Variants in COG5 observed in about 807,000 individuals in gnomAD.
COG5 encodes component of oligomeric golgi complex 5.
COG5 carries 86 observed loss-of-function variants against 110.4 expected under a neutral mutation model. The observed-to-expected ratio is 0.78, with a 90% confidence interval of 0.65 to 0.93. The LOEUF (loss-of-function observed/expected upper bound fraction) is 0.93. COG5 is among the 40% of genes least tolerant of loss of function. The pLI, the probability that COG5 is intolerant of heterozygous loss-of-function variation, is 0.00. For synonymous variants in COG5, 360 were observed against 334.6 expected (o/e 1.08, Z -0.83); for missense variants, 1,077 against 987.0 (o/e 1.09, Z -1.22).
intron 16 of COG5, among the ~76,000 whole-genome samples, chr7:107,255,960 T>C (rs576780478): frequency 1.3e-5 from 2 of 152,238 alleles, no homozygotes; most frequent in African/African-American, 4.8e-5. Flanking sequence ...TTGAGCAAGA[T>C]ATTATTTCTA....
chr7:107,322,083 C>T (rs567876523), intron 11 of COG5, among the ~76,000 whole-genome samples: 1 of 152,266 alleles, frequency 6.6e-6, no homozygotes, highest in East Asian at 1.9e-4. Flanking sequence ...AAAAGTTATA[C>T]AGATGGCATC....
At chr7:107,352,992 G>C (rs1473051186) in intron 10 of COG5, among the ~76,000 whole-genome samples, 2 of 152,082 alleles carry the variant, frequency 1.3e-5, no homozygotes, top group African/African-American at 4.8e-5. Flanking sequence ...GTATTATATA[G>C]TACTGGTGAT....
intron 5 of COG5, among the ~76,000 whole-genome samples, chr7:107,533,045 G>A (rs1284132866): frequency 3.4e-5 from 5 of 147,832 alleles, no homozygotes; most frequent in Non-Finnish European, 7.4e-5. Context: ...GGTCTGGAGT[G>A]GACCCGCAGC....
chr7:107,272,320 G>A (rs1804344754), intron 14 of COG5, among the ~76,000 whole-genome samples: 1 of 152,170 alleles, frequency 6.6e-6, no homozygotes, highest in Admixed American at 6.5e-5. Context: ...ATCTACCTGT[G>A]ATCTGGAAGC....
intron 1 of COG5, among the ~76,000 whole-genome samples, chr7:107,561,983 A>T (rs889402435): frequency 2.6e-5 from 4 of 152,148 alleles, no homozygotes; most frequent in African/African-American, 9.7e-5. Flanking sequence ...CTCAAAAAAA[A>T]AAAAGAAAGA....
chr7:107,559,875 T>C (rs1393652684), intron 1 of COG5, among the ~76,000 whole-genome samples: 1 of 152,222 alleles, frequency 6.6e-6, no homozygotes, highest in Non-Finnish European at 1.5e-5. Flanking sequence ...TCATAGCACA[T>C]GTATATTGGA....
intron 19 of COG5, among the ~76,000 whole-genome samples, chr7:107,226,742 T>A (rs1423700533): frequency 1.3e-5 from 2 of 152,238 alleles, no homozygotes; most frequent in African/African-American, 4.8e-5. Flanking sequence ...ATACTTCTGT[T>A]TTATTTCTTG....
chr7:107,502,922 T>C (rs1798725194), intron 6 of COG5, among the ~76,000 whole-genome samples: 1 of 139,430 alleles, frequency 7.2e-6, no homozygotes, highest in Non-Finnish European at 1.6e-5. Flanking sequence ...CTTTGTCACA[T>C]GCACAGTTTA....
intron 6 of COG5, among the ~76,000 whole-genome samples, chr7:107,487,880 T>C (rs1797742372): frequency 6.6e-6 from 1 of 152,136 alleles, no homozygotes; most frequent in Non-Finnish European, 1.5e-5. Flanking sequence ...CAAAATAGTA[T>C]GTATAATAAA....
intron 5 of COG5, among the ~76,000 whole-genome samples, chr7:107,530,860 T>C (rs1158129124): frequency 6.6e-6 from 1 of 151,974 alleles, no homozygotes; most frequent in Non-Finnish European, 1.5e-5. Flanking sequence ...TACTATTAAA[T>C]ATAACACAAG....
chr7:107,462,950 A>C (rs920850940), intron 6 of COG5, among the ~76,000 whole-genome samples: 5 of 152,230 alleles, frequency 3.3e-5, no homozygotes, highest in African/African-American at 4.8e-5. Flanking sequence ...ACAGGCCAGG[A>C]GCCAGTAAAA....
chr7:107,355,401 C>G (rs988021197), intron 10 of COG5, among the ~76,000 whole-genome samples: 5 of 152,200 alleles, frequency 3.3e-5, no homozygotes, highest in Non-Finnish European at 5.9e-5. Flanking sequence ...AGTCAGCAAG[C>G]GCAACTCTTA....
chr7:107,443,889 T>C (rs948583975), intron 6 of COG5, among the ~76,000 whole-genome samples: 8 of 152,184 alleles, frequency 5.3e-5, no homozygotes, highest in Admixed American at 1.3e-4. Flanking sequence ...ATAAATGAGA[T>C]CTCTAGTAAG....
chr7:107,338,579 T>G (rs544634807), intron 10 of COG5, among the ~76,000 whole-genome samples: 22 of 152,216 alleles, frequency 1.4e-4, no homozygotes, highest in African/African-American at 5.3e-4. Context: ...GACACTGGAT[T>G]TGGCAATTAC....
intron 6 of COG5, among the ~76,000 whole-genome samples, chr7:107,499,935 T>C (rs896924722): frequency 4.6e-5 from 7 of 152,266 alleles, no homozygotes; most frequent in Middle Eastern, 3.4e-3. Flanking sequence ...ATGAGTCGCA[T>C]GTCCACGTTT....
intron 12 of COG5, among the ~76,000 whole-genome samples, chr7:107,293,317 C>T (rs760842781): frequency 6.6e-6 from 1 of 152,082 alleles, no homozygotes; most frequent in Non-Finnish European, 1.5e-5. Flanking sequence ...CTGCTGAGGT[C>T]ATTATTAGAA....
intron 6 of COG5, among the ~76,000 whole-genome samples, chr7:107,463,060 ACTG>A (rs1477215743): frequency 6.6e-6 from 1 of 152,246 alleles, no homozygotes; most frequent in Non-Finnish European, 1.5e-5. Flanking sequence ...ACCCTGAACA[ACTG>A]CATCAGCTTT....
chr7:107,544,291 G>A (rs1802260206), intron 5 of COG5, among the ~76,000 whole-genome samples: 2 of 152,194 alleles, frequency 1.3e-5, no homozygotes, highest in Admixed American at 6.5e-5. Context: ...GGTCCCAGGT[G>A]CCAGCAACTG....
At chr7:107,518,396 A>G (rs1471674123) in intron 6 of COG5, among the ~76,000 whole-genome samples, 4 of 152,114 alleles carry the variant, frequency 2.6e-5, no homozygotes, top group African/African-American at 7.2e-5. Context: ...TCAACTGATG[A>G]GCTATATTCA....
Sources: gnomAD v4.1 joint callset for allele counts (sites outside exome capture counted in the v4.1 genomes callset) on GRCh38, gnomAD v4.1.1 for gene constraint, MANE v1.5 for transcripts, NCBI Gene and HGNC (gene_info 2026-07-23, HGNC 2026-07-21) for gene names.